Variants in N4BP2L1 observed in about 807,000 individuals in gnomAD.
The protein encoded by N4BP2L1 is NEDD4-binding protein 2-like 1.
Under a neutral mutation model 21.2 loss-of-function variants are expected in N4BP2L1, and 12 were observed. The ratio of observed to expected loss-of-function variants is 0.57; its 90% CI spans 0.36 to 0.92. The LOEUF (loss-of-function observed/expected upper bound fraction) is 0.92, where lower values mean the gene tolerates loss of function less well. N4BP2L1 is among the 40% of genes least tolerant of loss of function. N4BP2L1 has a pLI of 0.01. For synonymous variants in N4BP2L1, 104 were observed against 112.8 expected, an observed-to-expected ratio of 0.92 and a Z score of 0.49; for missense variants, 259 against 310.6, an observed-to-expected ratio of 0.83 and a Z score of 1.25.
At chr13:32,410,744 A>G (rs2073813649) in intron 1 of N4BP2L1, among the ~76,000 whole-genome samples, 1 of 152,240 alleles carries the variant, frequency 6.6e-6, no homozygotes, top group African/African-American at 2.4e-5. Context: ...TATTTAAATA[A>G]TGAAAGTTGT....
At chr13:32,403,569 T>C (rs1421776075) in intron 4 of N4BP2L1, 1 of 436,306 alleles carries the variant, frequency 2.3e-6, no homozygotes, top group Non-Finnish European at 4.6e-6. Flanking sequence ...GTCCCTGAGA[T>C]ATATTTCTAG....
chr13:32,419,179 AAT>A (rs1037790790), intron 1 of N4BP2L1, among the ~76,000 whole-genome samples: 1 of 151,030 alleles, frequency 6.6e-6, no homozygotes, highest in Non-Finnish European at 1.5e-5. Context: ...GAGGTAACTG[AAT>A]CATGGGAGCA....
rs572792515 is a variant in N4BP2L1 at position 32,428,055 on chromosome 13, C to G, written c.28G>C (p.Gly10Arg). 4.0e-6 allele frequency: 6 copies of G among 1,505,300 alleles called. No homozygotes were observed. Among genetic ancestry groups the G allele is most frequent in the African/African-American group, 1.5e-5 (1 of 68,842 alleles). The allele number at this position is 1,505,300 out of a possible 1,614,324, so 93.2% of individuals were successfully genotyped here. The stretch of plus-strand genomic sequence containing the variant: ...TGCTGGGGCTGGAGGCTCAGCCTCC[C>G]AAAAGATTGAAGGAAACTGTCCTCC... MEDSFLQSF[G>R]RLSLQPQQQQ... Residue 10 changes from glycine (G) to arginine (R), a missense_variant, in exon 1 of 5, where the codon GGG becomes CGG. Physicochemically the swap from Gly to Arg is moderately radical, Grantham distance 125. Coordinates refer to ENST00000380130, the MANE Select transcript of N4BP2L1 (RefSeq NM_052818.3).
intron 1 of N4BP2L1, among the ~76,000 whole-genome samples, chr13:32,413,543 C>T (rs1395237114): frequency 6.6e-6 from 1 of 152,190 alleles, no homozygotes; most frequent in Non-Finnish European, 1.5e-5. Context: ...AGTTCGATCA[C>T]TTGGCTAAAG....
At chr13:32,410,682 A>C (rs936242896) in intron 1 of N4BP2L1, among the ~76,000 whole-genome samples, 1 of 152,220 alleles carries the variant, frequency 6.6e-6, no homozygotes, top group Admixed American at 6.5e-5. Flanking sequence ...TCAGGTATGT[A>C]TATTTTATAT....
In N4BP2L1 at chr13:32,404,367, G is replaced by A; in HGVS notation, c.427C>T (p.Arg143Ter). ...AATTTCCAGCGAGTGTCAGGTTCTC[G>A]GAATATAACTTCATAGTTATTTTCA... is the stretch of plus-strand genomic sequence containing the variant. ...ALENNYEVIF[R>*]EPDTRWKFNV... is the part of the protein sequence containing the mutation. The change falls in exon 4 of 5, where the codon CGA becomes TGA. Residue 143 changes from arginine (R) to a stop codon, truncating the protein, a stop_gained. Transcript: ENST00000380130. LOFTEE classifies it high-confidence loss of function. 4.3e-6 allele frequency: 7 copies of A among 1,613,054 alleles called. No individual in the cohort carries two copies. Among genetic ancestry groups the A allele is most frequent in the Non-Finnish European group, 5.9e-6 (7 of 1,179,722 alleles).
chr13:32,429,490 C>T (rs1032482616), upstream of N4BP2L1, among the ~76,000 whole-genome samples: 1 of 152,222 alleles, frequency 6.6e-6, no homozygotes, highest in African/African-American at 2.4e-5. Flanking sequence ...ATAATTTGCC[C>T]AGCTTCACAT....
intron 1 of N4BP2L1, chr13:32,416,675 T>C (rs976911498): frequency 6.6e-6 from 1 of 152,232 alleles, no homozygotes; most frequent in Non-Finnish European, 1.5e-5. Flanking sequence ...GATTTTTGTC[T>C]CCTTTGTCCA....
intron 3 of N4BP2L1, among the ~76,000 whole-genome samples, chr13:32,405,496 C>T (rs1018603283): frequency 1.3e-5 from 2 of 152,068 alleles, no homozygotes; most frequent in Non-Finnish European, 2.9e-5. Context: ...GGAGACAGAG[C>T]GAGACTCTCT....
intron 3 of N4BP2L1, 108 bp downstream of exon 3, chr13:32,407,142 T>A (rs3752448): frequency 0.18 from 212,864 of 1,155,268 alleles, 21,569 homozygotes; most frequent in East Asian, 0.44. Context: ...AGAACCACTG[T>A]TAGCAAATAT....
At chr13:32,421,745 A>G (rs2074489423) in intron 1 of N4BP2L1, among the ~76,000 whole-genome samples, 2 of 152,136 alleles carry the variant, frequency 1.3e-5, no homozygotes, top group African/African-American at 4.8e-5. Flanking sequence ...CAAGCCATAC[A>G]TATGATCTGC....
intron 1 of N4BP2L1, among the ~76,000 whole-genome samples, chr13:32,427,110 G>A (rs1199980090): frequency 1.3e-5 from 2 of 152,242 alleles, no homozygotes; most frequent in African/African-American, 4.8e-5. Context: ...ACAGGCACAA[G>A]CCCGCGTAAT....
At chr13:32,424,939 T>C (rs1181150936) in intron 1 of N4BP2L1, 1 of 152,174 alleles carries the variant, frequency 6.6e-6, no homozygotes, top group African/African-American at 2.4e-5. Flanking sequence ...CAAAAACATT[T>C]TTATTAGTTC....
upstream of N4BP2L1, among the ~76,000 whole-genome samples, chr13:32,429,523 G>T (rs1403648798): frequency 6.6e-6 from 1 of 152,194 alleles, no homozygotes; most frequent in East Asian, 1.9e-4. Context: ...ATTTTAACCT[G>T]CACTGGCTAA....
At chr13:32,409,633 G>A (rs533447188) in intron 1 of N4BP2L1, among the ~76,000 whole-genome samples, 1 of 152,312 alleles carries the variant, frequency 6.6e-6, no homozygotes, top group South Asian at 2.1e-4. Context: ...CCAGCGCAGC[G>A]CACAGAGGAA....
chr13:32,407,898 T>A, intron 1 of N4BP2L1, 126 bp from the exon 2 acceptor site: 1 of 1,068,570 alleles, frequency 9.4e-7, no homozygotes, highest in Non-Finnish European at 1.3e-6. Context: ...TTGGAGTTGT[T>A]AAAATGCAGT....
upstream of N4BP2L1, chr13:32,428,226 C>G (rs543236234): frequency 5.6e-5 from 44 of 782,538 alleles, no homozygotes; most frequent in Middle Eastern, 2.9e-4. Flanking sequence ...TTCCACCCGC[C>G]GGAACCGTGC....
At chr13:32,407,186 C>T (rs1174069767) in intron 3 of N4BP2L1, 64 bp downstream of exon 3, 5 of 1,472,156 alleles carry the variant, frequency 3.4e-6, no homozygotes, top group Middle Eastern at 1.8e-4. Flanking sequence ...GAGGAAAGAA[C>T]AGATGCTTCA....
chr13:32,406,782 T>G (rs570097441), intron 3 of N4BP2L1: 210 of 157,686 alleles, frequency 1.3e-3, no homozygotes, highest in Non-Finnish European at 2.2e-3. Context: ...AAATCTGTCT[T>G]TAGACTAAAA....
Sources: allele counts gnomAD v4.1 joint callset (sites outside exome capture counted in the v4.1 genomes callset), GRCh38; gene constraint gnomAD v4.1.1; transcripts MANE v1.5; gene names NCBI Gene and HGNC (gene_info 2026-07-23, HGNC 2026-07-21).